SLC35A5: variants seen among roughly 807,000 people sequenced by gnomAD.
SLC35A5 encodes the protein UDP-sugar transporter protein SLC35A5.
Under a neutral mutation model 36.3 loss-of-function variants are expected in SLC35A5, and 28 were observed. The ratio of observed to expected loss-of-function variants is 0.77; its 90% CI spans 0.57 to 1.06. The LOEUF (loss-of-function observed/expected upper bound fraction) is 1.06, where lower values mean the gene tolerates loss of function less well. Among genes scored for constraint, SLC35A5 ranks in the 50% least tolerant of loss-of-function variants. The pLI is 0.00. For synonymous variants in SLC35A5, 180 were observed against 173.7 expected, an observed-to-expected ratio of 1.04 and a Z score of -0.29; for missense variants, 521 against 499.3, an observed-to-expected ratio of 1.04 and a Z score of -0.41.
upstream of SLC35A5, chr3:112,561,829 A>G (rs564919177): frequency 6.5e-5 from 26 of 399,318 alleles, no homozygotes; most frequent in East Asian, 6.7e-4. Flanking sequence ...TGAGGTGAGA[A>G]GCGGACGCAC....
chr3:112,566,590 A>G (rs1266221056), intron 2 of SLC35A5, among the ~76,000 whole-genome samples: 1 of 152,226 alleles, frequency 6.6e-6, no homozygotes, highest in Non-Finnish European at 1.5e-5. Flanking sequence ...AGATGGGATA[A>G]CTAAATGCAC....
chr3:112,580,837 T>C lies in SLC35A5; in HGVS notation c.720T>C (p.Cys240=). 6.2e-7 allele frequency: 1 copy of C among 1,614,176 alleles called. No individual in the cohort carries two copies. Among genetic ancestry groups the C allele is most frequent in the African/African-American group, 1.3e-5 (1 of 75,068 alleles). ...GCCATGTTCTTATTATAGTCCAGTG[T>C]TTTATTTCTTCAATGGCTAATATCT... ...GMGHVLIIVQ[C]FISSMANIYN... The change falls in exon 6 of 7, where the codon TGT becomes TGC. Residue 240 remains cysteine, a synonymous_variant. Coordinates refer to ENST00000492406, the MANE Select transcript of SLC35A5 (RefSeq NM_017945.5).
intron 4 of SLC35A5, among the ~76,000 whole-genome samples, chr3:112,573,315 C>T (rs757935096): frequency 2.0e-5 from 3 of 152,062 alleles, no homozygotes; most frequent in Non-Finnish European, 4.4e-5. Context: ...GGACTGAATT[C>T]GTAAAAACAA....
intron 6 of SLC35A5, 91 bp from the exon 7 acceptor site, chr3:112,582,580 G>A: frequency 1.2e-6 from 1 of 828,922 alleles, no homozygotes; most frequent in South Asian, 1.5e-5. Flanking sequence ...GCTTAATGAG[G>A]TAAGACCAGT....
chr3:112,577,100 A>AT lies in SLC35A5; in HGVS notation c.428+3144_428+3145insT, dbSNP rs1301327136. ...TAAAAAAAATTTTTTAAGAAAAAAA[A>AT]AAATAATTTTTAAAAATTCTTAAAA... is the stretch of plus-strand genomic sequence containing the variant. On this transcript the variant is annotated intron_variant, in intron 5 of 6. Coordinates refer to ENST00000492406, the MANE Select transcript of SLC35A5 (RefSeq NM_017945.5). Among the ~76,000 whole-genome samples the AT allele has an allele frequency of 1.6e-3, 242 of 150,166 alleles. 1 individual carries two copies. The highest frequency in any genetic ancestry group is 0.014 in the Middle Eastern group (4 of 292).
rs28365853 is a variant in SLC35A5 at position 112,562,284 on chromosome 3, C to T, written c.-20+11C>T. On this transcript the variant is annotated intron_variant, in intron 1 of 6. Coordinates refer to ENST00000492406, the MANE Select transcript of SLC35A5 (RefSeq NM_017945.5). ...GCTCTTCTGAGGGAGGTAACCGCGC[C>T]CCGCGGGCAAGGAATTGCGCCTGCG... 0.042 allele frequency: 6,418 copies of T among 152,626 alleles called. 255 individuals carry two copies. The highest frequency in any genetic ancestry group is 0.11 in the Admixed American group (1,678 of 15,304). The allele number at this position is 152,626 out of a possible 1,614,324, so 9.5% of individuals were successfully genotyped here. A position where few individuals can be genotyped will look rare whatever the true frequency, so the allele number is the denominator to read the frequency against.
chr3:112,578,194 A>C (rs1314927751), intron 5 of SLC35A5, among the ~76,000 whole-genome samples: 1 of 152,132 alleles, frequency 6.6e-6, no homozygotes, highest in South Asian at 2.1e-4. Flanking sequence ...TAGCTCACCT[A>C]TATGTTATTA....
intron 4 of SLC35A5, among the ~76,000 whole-genome samples, 178 bp from the exon 5 acceptor site, chr3:112,573,711 C>T (rs1003824450): frequency 7.9e-5 from 12 of 152,208 alleles, no homozygotes; most frequent in Admixed American, 7.9e-4. Context: ...TTGATCATAT[C>T]TACGTAAATT....
chr3:112,567,559 C>G (rs1451438900), intron 2 of SLC35A5, among the ~76,000 whole-genome samples: 1 of 152,212 alleles, frequency 6.6e-6, no homozygotes, highest in South Asian at 2.1e-4. Flanking sequence ...CCTGCCTCGG[C>G]CTCCCAAAGT....
At chr3:112,567,900 G>C (rs1319522878) in intron 2 of SLC35A5, among the ~76,000 whole-genome samples, 1 of 152,188 alleles carries the variant, frequency 6.6e-6, no homozygotes, top group African/African-American at 2.4e-5. Flanking sequence ...TATCATGATG[G>C]ATCATGAGAA....
chr3:112,572,384 G>A (rs1192034723), intron 4 of SLC35A5, among the ~76,000 whole-genome samples: 1 of 152,120 alleles, frequency 6.6e-6, no homozygotes, highest in Non-Finnish European at 1.5e-5. Context: ...ATCACCTGAA[G>A]TTTTCTTTGG....
At chr3:112,571,066 A>G (rs563701576) in intron 4 of SLC35A5, among the ~76,000 whole-genome samples, 125 of 152,312 alleles carry the variant, frequency 8.2e-4, no homozygotes, top group African/African-American at 2.7e-3. Context: ...CACTCAATGT[A>G]CCTTTCTTAC....
rs1421234613 is a variant in SLC35A5 at position 112,570,673 on chromosome 3, A to G, written c.360+3A>G. On this transcript the variant is annotated splice_donor_region_variant and intron_variant, in intron 4 of 6. Coordinates refer to ENST00000492406, the MANE Select transcript of SLC35A5 (RefSeq NM_017945.5). ...ATGTCCTGTCCTATCTTCAACCAGT[A>G]AGTAAATATGAAAAAGAAAATACCA... The G allele has an allele frequency of 1.3e-6, 2 of 1,548,046 alleles. No individual in the cohort carries two copies. The highest frequency in any genetic ancestry group is 1.7e-6 in the Non-Finnish European group (2 of 1,153,656).
Position 112,580,756 on chromosome 3 carries a change from T to G in SLC35A5, c.639T>G (p.Pro213=). 6.2e-7 allele frequency: 1 copy of G among 1,614,214 alleles called. No individual in the cohort carries two copies. The highest frequency in any genetic ancestry group is 8.5e-7 in the Non-Finnish European group (1 of 1,180,010). The change falls in exon 6 of 7, where the codon CCT becomes CCG. Residue 213 remains proline (P), a synonymous_variant. Transcript: ENST00000492406. ...DNCTAKEWTF[P]EAKWNTTARV... ...GTACAGCAAAGGAATGGACTTTTCC[T>G]GAAGCTAAATGGAACACCACAGCCA...
rs1933940778 is a variant in SLC35A5, at chr3:112,562,251, C to T, written c.-42C>T. The T allele has an allele frequency of 6.6e-6, 1 of 152,504 alleles. No homozygotes were observed. Among genetic ancestry groups the T allele is most frequent in the Non-Finnish European group, 1.5e-5 (1 of 68,118 alleles). The allele number at this position is 152,504 out of a possible 1,614,324, so 9.4% of individuals were successfully genotyped here. A position where few individuals can be genotyped will look rare whatever the true frequency, so the allele number is the denominator to read the frequency against. On this transcript the variant is annotated 5_prime_UTR_variant, in exon 1 of 7. Transcript: ENST00000492406. ...CTCAGCTCTAGGATGTGCGTTCTTC[C>T]ACTAGAAGCTCTTCTGAGGGAGGTA... is the stretch of plus-strand genomic sequence containing the variant.
At chr3:112,565,487 A>G (rs1285168478) in intron 2 of SLC35A5, among the ~76,000 whole-genome samples, 1 of 152,212 alleles carries the variant, frequency 6.6e-6, no homozygotes, top group African/African-American at 2.4e-5. Context: ...CAAAAAGTTT[A>G]AGGACTCGTA....
At position 112,572,042 on chromosome 3, in the gene SLC35A5, A is replaced by C. The variant is rs1934467934; in HGVS notation, c.360+1372A>C. 2.8e-5 allele frequency among the ~76,000 whole-genome samples: 4 copies of C among 142,460 alleles called. No homozygotes were observed. In the South Asian group the frequency reaches 8.9e-4, roughly 32 times the overall value. The allele number at this position is 142,460 out of a possible 152,430, so 93.5% of individuals were successfully genotyped here. On this transcript the variant is annotated intron_variant, in intron 4 of 6. Coordinates refer to ENST00000492406, the MANE Select transcript of SLC35A5 (RefSeq NM_017945.5). Reference sequence around the variant, plus strand: ...ACTGCAAGCTCCGCTTCCCGGGTTCACGCCATTCTCCTGCCTCAGCCTCCC... The same window carrying C: ...ACTGCAAGCTCCGCTTCCCGGGTTCCCGCCATTCTCCTGCCTCAGCCTCCC...
At chr3:112,570,700 T>G in intron 4 of SLC35A5, 30 bp downstream of exon 4, 1 of 1,527,236 alleles carries the variant, frequency 6.5e-7, no homozygotes, top group Non-Finnish European at 8.7e-7. Context: ...AAAATACCAT[T>G]GAAAAGATAC....
At position 112,580,567 on chromosome 3, in the gene SLC35A5, G is replaced by A. The variant is rs775606881; in HGVS notation, c.450G>A (p.Gln150=). 1.2e-6 allele frequency: 2 copies of A among 1,613,128 alleles called. No homozygotes were observed. The highest frequency in any genetic ancestry group is 2.2e-5 in the South Asian group (2 of 91,020). ...ACAGGAGGCGTCTAAACTGGATCCA[G>A]TGGGCTTCCCTCCTGACTTTATTTT... is the stretch of plus-strand genomic sequence containing the variant. The part of the protein sequence containing the change: ...IVLKRRLNWI[Q]WASLLTLFLS... Residue 150 remains glutamine (Q), a synonymous_variant, in exon 6 of 7, where the codon CAG becomes CAA. Transcript: ENST00000492406.
Sources: gnomAD v4.1 joint callset for allele counts (sites outside exome capture counted in the v4.1 genomes callset) on GRCh38, gnomAD v4.1.1 for gene constraint, MANE v1.5 for transcripts, NCBI Gene and HGNC (gene_info 2026-07-23, HGNC 2026-07-21) for gene names.